The following ZNF592 variants were observed in gnomAD, a reference collection of about 807,000 sequenced individuals.
ZNF592 encodes the protein zinc finger protein 592.
ZNF592 carries 11 observed loss-of-function variants against 80.3 expected under a neutral mutation model. That is an observed-to-expected ratio of 0.14 (90% CI 0.09 to 0.23). The LOEUF (loss-of-function observed/expected upper bound fraction) is 0.23. Ranked by LOEUF, ZNF592 falls within the 10% of genes least tolerant of loss-of-function variation. The pLI, the probability that ZNF592 is intolerant of heterozygous loss-of-function variation, is 1.00. For synonymous variants in ZNF592, 646 were observed against 640.3 expected, an observed-to-expected ratio of 1.01 and a Z score of -0.13; for missense variants, 1,420 against 1,633.9, an observed-to-expected ratio of 0.87 and a Z score of 2.26.
At chr15:84,755,462 G>A (rs185277179) in intron 1 of ZNF592, among the ~76,000 whole-genome samples, 131 of 152,074 alleles carry the variant, frequency 8.6e-4, no homozygotes, top group Non-Finnish European at 1.5e-3. Flanking sequence ...CAGAGGTGGC[G>A]TTAAGGGTCT....
chr15:84,782,000 C>T (rs944623485), intron 3 of ZNF592, among the ~76,000 whole-genome samples: 1 of 152,256 alleles, frequency 6.6e-6, no homozygotes, highest in Admixed American at 6.5e-5. Context: ...GCAAGTCACC[C>T]TGTTCCTCAG....
Position 84,805,291 on chromosome 15 carries a change from C to T in ZNF592, c.*2898C>T, listed in dbSNP as rs551600047. The T allele has an allele frequency of 2.0e-4, 31 of 152,332 alleles. No individual in the cohort carries two copies. Among genetic ancestry groups the T allele is most frequent in the African/African-American group, 6.0e-4 (25 of 41,576 alleles). 9.4% of individuals were successfully genotyped at this position (152,332 alleles called of 1,614,324 possible). ...GGTTGCCTAACCCTCACAGGGAACACACAGTTCCCTCAGAGTCCAGCATCT... is the reference window on the plus strand; with the variant it reads ...GGTTGCCTAACCCTCACAGGGAACATACAGTTCCCTCAGAGTCCAGCATCT... On this transcript the variant is annotated 3_prime_UTR_variant, in exon 11 of 11. Coordinates refer to ENST00000560079, the MANE Select transcript of ZNF592 (RefSeq NM_014630.3).
intron 2 of ZNF592, 121 bp downstream of exon 2, chr15:84,764,936 T>C (rs1899463262): frequency 5.1e-6 from 2 of 394,072 alleles, no homozygotes; most frequent in Non-Finnish European, 4.5e-6. Context: ...AAAATACATA[T>C]AACAAAAGTT....
chr15:84,787,268 G>A (rs568353417), intron 4 of ZNF592, among the ~76,000 whole-genome samples: 1 of 152,248 alleles, frequency 6.6e-6, no homozygotes, highest in South Asian at 2.1e-4. Context: ...GTGGGAGCTG[G>A]AGAAGAGCAC....
intron 1 of ZNF592, among the ~76,000 whole-genome samples, chr15:84,756,816 T>A (rs1001669017): frequency 2.0e-5 from 3 of 152,086 alleles, no homozygotes; most frequent in African/African-American, 4.8e-5. Context: ...ATCCTCCCTT[T>A]AAAAATTTTT....
rs191123015 is a variant in ZNF592 at position 84,805,749 on chromosome 15, T to G, written c.*3356T>G. ...TTCTTTTTTTGTTTGTTTGTTTTTTTGTTTTGAAAAATTAATACATATACA... is the reference window on the plus strand; with the variant it reads ...TTCTTTTTTTGTTTGTTTGTTTTTTGGTTTTGAAAAATTAATACATATACA... On this transcript the variant is annotated 3_prime_UTR_variant, in exon 11 of 11. Transcript: ENST00000560079. 6.5e-6 allele frequency: 1 copy of G among 152,738 alleles called. No homozygotes were observed. Among genetic ancestry groups the G allele is most frequent in the Admixed American group, 6.5e-5 (1 of 15,304 alleles). 9.5% of individuals were successfully genotyped at this position (152,738 alleles called of 1,614,324 possible).
At position 84,806,129 on chromosome 15, in the gene ZNF592, T is replaced by G. The variant is rs1963228351; in HGVS notation, c.*3736T>G. On this transcript the variant is annotated 3_prime_UTR_variant, in exon 11 of 11. Transcript: ENST00000560079. Reference sequence around the variant, plus strand: ...AGTGAATGCTGCATGAATGAATGAATCTGATTCAATTGGTAGCTACAGCTG... The same window carrying G: ...AGTGAATGCTGCATGAATGAATGAAGCTGATTCAATTGGTAGCTACAGCTG... The G allele has an allele frequency of 6.6e-6, 1 of 152,572 alleles. No homozygotes were observed. The allele number at this position is 152,572 out of a possible 1,614,324, so 9.5% of individuals were successfully genotyped here. A position where few individuals can be genotyped will look rare whatever the true frequency, so the allele number is the denominator to read the frequency against.
At chr15:84,761,430 T>C (rs1899347602) in intron 1 of ZNF592, among the ~76,000 whole-genome samples, 1 of 152,158 alleles carries the variant, frequency 6.6e-6, no homozygotes, top group South Asian at 2.1e-4. Flanking sequence ...ATGACATCAG[T>C]GAGACTTGGT....
At chr15:84,796,221 CAAAAAAAAA>C (rs753718341) in intron 5 of ZNF592, among the ~76,000 whole-genome samples, 5 of 25,428 alleles carry the variant, frequency 2.0e-4, no homozygotes, top group Admixed American at 7.3e-4. Context: ...GACTCTGTCT[CAAAAAAAAA>C]AAAAAAAAAA....
intron 1 of ZNF592, among the ~76,000 whole-genome samples, chr15:84,761,227 A>G (rs747630341): frequency 6.6e-5 from 10 of 152,090 alleles, no homozygotes; most frequent in Admixed American, 1.3e-4. Flanking sequence ...TGGCCTCCCA[A>G]AGTGCTGAGA....
In ZNF592 at chr15:84,778,240, C is replaced by T. The variant is rs977453379; in HGVS notation, c.-92C>T. On this transcript the variant is annotated 5_prime_UTR_variant, in exon 3 of 11. Transcript: ENST00000560079. ...AGAAGACAGAAGGAAGACGCTCCCC[C>T]GTACGGAGACAGAGGGAGGGGGGGC... The T allele has an allele frequency of 1.6e-5, 4 of 246,706 alleles. No homozygotes were observed. The highest frequency in any genetic ancestry group is 2.4e-5 in the Non-Finnish European group (3 of 125,838). 15.3% of individuals were successfully genotyped at this position (246,706 alleles called of 1,614,324 possible). A position where few individuals can be genotyped will look rare whatever the true frequency, so the allele number is the denominator to read the frequency against.
chr15:84,783,598 C>G lies in ZNF592; in HGVS notation c.923C>G (p.Thr308Arg). 1 of 1,614,206 alleles carries G rather than the reference C, an allele frequency of 6.2e-7. No individual in the cohort carries two copies. The highest frequency in any genetic ancestry group is 8.5e-7 in the Non-Finnish European group (1 of 1,180,044). Residue 308 changes from threonine to arginine, a missense_variant, in exon 4 of 11, where the codon ACA (threonine) becomes AGA (arginine). By Grantham distance (71) the Thr-to-Arg change is moderately conservative. Coordinates refer to ENST00000560079, the MANE Select transcript of ZNF592 (RefSeq NM_014630.3). This position sits in a 1 kb window ranked among gnomAD's most constrained non-coding sequence, Gnocchi z 5.0. Reference protein sequence around the residue: ...SVTKEDQPGHTKDLSGPTKES... With the variant: ...SVTKEDQPGHRKDLSGPTKES... ...ACTAAGGAGGATCAGCCTGGCCACA[C>G]AAAGGATCTCTCAGGGCCCACTAAA...
Position 84,804,462 on chromosome 15 carries a change from A to G in ZNF592, c.*2069A>G, listed in dbSNP as rs1963188879. On this transcript the variant is annotated 3_prime_UTR_variant, in exon 11 of 11. Transcript: ENST00000560079. ...AGATATACATCTCCTTCCTGGGAAG[A>G]ACGTGAGTTGGAAAAATGCTGAGCC... 6.6e-6 allele frequency: 1 copy of G among 152,240 alleles called. No homozygotes were observed. The highest frequency in any genetic ancestry group is 2.1e-4 in the South Asian group (1 of 4,832). The allele number at this position is 152,240 out of a possible 1,614,324, so 9.4% of individuals were successfully genotyped here.
intron 1 of ZNF592, among the ~76,000 whole-genome samples, chr15:84,754,668 A>G (rs1317914251): frequency 6.6e-6 from 1 of 151,366 alleles, no homozygotes; most frequent in Non-Finnish European, 1.5e-5. Context: ...CAGGAGTTCG[A>G]GACCAGCCTG....
At position 84,792,697 on chromosome 15, in the gene ZNF592, C is replaced by G. The variant is rs902871555; in HGVS notation, c.2399+1814C>G. ...ATAACTCCTGGGCTCAAGCGATCCT[C>G]CCACCTCAACTCCCCGAAGTGTTGG... On this transcript the variant is annotated intron_variant, in intron 5 of 10. Coordinates refer to ENST00000560079, the MANE Select transcript of ZNF592 (RefSeq NM_014630.3). Among the ~76,000 whole-genome samples the G allele has an allele frequency of 3.9e-5, 6 of 152,332 alleles. 1 individual carries two copies. Among genetic ancestry groups the G allele is most frequent in the Admixed American group, 3.9e-4 (6 of 15,298 alleles).
rs2141986120 is a variant in ZNF592, at chr15:84,783,581, G to A, written c.906G>A (p.Glu302=). Residue 302 remains glutamate, a synonymous_variant, in exon 4 of 11, where the codon GAG becomes GAA. Transcript: ENST00000560079. This position sits in a 1 kb window ranked among gnomAD's most constrained non-coding sequence, Gnocchi z 5.0. The stretch of plus-strand genomic sequence containing the variant: ...AAAGAGTGGCTAGTGTCACTAAGGA[G>A]GATCAGCCTGGCCACACAAAGGATC... ...QAKRVASVTK[E]DQPGHTKDLS... is the part of the protein sequence containing the mutation. The A allele has an allele frequency of 6.2e-7, 1 of 1,614,202 alleles. No homozygotes were observed. The highest frequency in any genetic ancestry group is 1.1e-5 in the South Asian group (1 of 91,086).
In ZNF592 at chr15:84,775,155, G is replaced by T. The variant is rs554946236; in HGVS notation, c.-149-3028G>T. Among the ~76,000 whole-genome samples, 3 of 151,826 alleles carry T rather than the reference G, an allele frequency of 2.0e-5. No homozygotes were observed. The South Asian group carries it at 6.3e-4, about 32-fold the overall frequency. On this transcript the variant is annotated intron_variant, in intron 2 of 10. Coordinates refer to ENST00000560079, the MANE Select transcript of ZNF592 (RefSeq NM_014630.3). Reference sequence around the variant, plus strand: ...CTGTCACCTGGGCTGGAGTACAGTGGTGCAATCTTGGCTCACTGCAACCTC... The same window carrying T: ...CTGTCACCTGGGCTGGAGTACAGTGTTGCAATCTTGGCTCACTGCAACCTC...
rs150122607 is a variant in ZNF592 at position 84,783,371 on chromosome 15, G to A, written c.696G>A (p.Pro232=). The part of the protein sequence containing the change: ...GQNTVEPHKD[P]DATRFFGEAL... ...ACACAGTGGAACCTCACAAGGATCC[G>A]GATGCCACTCGATTCTTCGGGGAAG... Residue 232 remains proline (P), a synonymous_variant, in exon 4 of 11, where the codon CCG becomes CCA. Transcript: ENST00000560079. This position sits in a 1 kb window ranked among gnomAD's most constrained non-coding sequence, Gnocchi z 5.0. 1.7e-4 allele frequency: 282 copies of A among 1,614,194 alleles called. No homozygotes were observed. In the African/African-American group the frequency reaches 3.2e-3, roughly 18 times the overall value.
At chr15:84,761,870 A>G (rs1000576283) in intron 1 of ZNF592, among the ~76,000 whole-genome samples, 3 of 152,242 alleles carry the variant, frequency 2.0e-5, no homozygotes, top group African/African-American at 7.2e-5. Flanking sequence ...TCTCAGAACA[A>G]ATTGTCTTTG....
Sources: allele counts gnomAD v4.1 joint callset (sites outside exome capture counted in the v4.1 genomes callset), GRCh38; gene constraint gnomAD v4.1.1; non-coding constraint Gnocchi (gnomAD v3.1); transcripts MANE v1.5; gene names NCBI Gene and HGNC (gene_info 2026-07-23, HGNC 2026-07-21).